FAM120A: variants seen among roughly 807,000 people sequenced by gnomAD.
FAM120A encodes constitutive coactivator of PPAR-gamma-like protein 1.
In FAM120A, 15 loss-of-function variants were observed where a neutral mutation model predicts 109.7. The observed-to-expected ratio is 0.14, with a 90% confidence interval of 0.09 to 0.21. The LOEUF (loss-of-function observed/expected upper bound fraction) is 0.21, where lower values mean the gene tolerates loss of function less well. Ranked by LOEUF, FAM120A falls within the 10% of genes least tolerant of loss-of-function variation. The pLI is 1.00. For missense variants in FAM120A, 899 were observed against 1,439.3 expected (o/e 0.62, Z 6.07); for synonymous variants, 493 against 572.8 (o/e 0.86, Z 1.99).
At chr9:93,468,609 T>G (rs1432363436) in intron 1 of FAM120A, among the ~76,000 whole-genome samples, 1 of 152,216 alleles carries the variant, frequency 6.6e-6, no homozygotes, top group Non-Finnish European at 1.5e-5. Flanking sequence ...TACCACAAAG[T>G]TTTACATAGT....
intron 12 of FAM120A, among the ~76,000 whole-genome samples, chr9:93,552,921 G>C (rs940233387): frequency 7.9e-5 from 12 of 152,128 alleles, no homozygotes; most frequent in Non-Finnish European, 1.8e-4. Context: ...CATCAGAGGA[G>C]GAAAAGAGGA....
At chr9:93,487,127 G>T (rs1859095046) in intron 3 of FAM120A, among the ~76,000 whole-genome samples, 2 of 151,890 alleles carry the variant, frequency 1.3e-5, no homozygotes, top group Non-Finnish European at 2.9e-5. Flanking sequence ...TTTTAAAATT[G>T]GGTTATTTGT....
At position 93,532,375 on chromosome 9, in the gene FAM120A, A is replaced by C; in HGVS notation, c.1909+46A>C. ...TTGTTTGTTTTCCTCGGTACCTCGT[A>C]ATCTCTTGTGCATTTTCTAAAGCCT... On this transcript the variant is annotated intron_variant, in intron 10 of 17. Coordinates refer to ENST00000277165, the MANE Select transcript of FAM120A (RefSeq NM_014612.5). This position sits in a 1 kb window ranked among gnomAD's most constrained non-coding sequence, Gnocchi z 4.3. 1 of 1,597,058 alleles carries C rather than the reference A, an allele frequency of 6.3e-7. No homozygotes were observed. The highest frequency in any genetic ancestry group is 1.1e-5 in the South Asian group (1 of 90,440).
At chr9:93,541,066 T>C (rs1266784263) in intron 10 of FAM120A, among the ~76,000 whole-genome samples, 10 of 65,044 alleles carry the variant, frequency 1.5e-4, no homozygotes. Flanking sequence ...TGTATTGTGG[T>C]ATGTGTGTGG....
chr9:93,552,050 A>G (rs1294683316), intron 12 of FAM120A, among the ~76,000 whole-genome samples: 1 of 152,132 alleles, frequency 6.6e-6, no homozygotes, highest in Non-Finnish European at 1.5e-5. Flanking sequence ...GGTTGGAGAT[A>G]CTTTTGCTAG....
Position 93,498,796 on chromosome 9 carries a change from A to G in FAM120A, c.940A>G (p.Thr314Ala). 6.2e-7 allele frequency: 1 copy of G among 1,605,224 alleles called. No homozygotes were observed. Among genetic ancestry groups the G allele is most frequent in the Non-Finnish European group, 8.5e-7 (1 of 1,171,958 alleles). The change falls in exon 5 of 18, where the codon ACA becomes GCA. Residue 314 changes from threonine (T) to alanine (A), a missense_variant. By Grantham distance (58) the Thr-to-Ala change is moderately conservative. Transcript: ENST00000277165. The surrounding 1 kb of genome is among the most constrained non-coding windows in gnomAD (Gnocchi z 4.4). ...TTTCCTGCCTTTATTTCAGTCTAGAACAGATGACAAAGTTATTCGATTTAA... is the reference window on the plus strand; with the variant it reads ...TTTCCTGCCTTTATTTCAGTCTAGAGCAGATGACAAAGTTATTCGATTTAA... ...KDVFQHSQSRTDDKVIRFKRA... is the reference protein window; with the variant it reads ...KDVFQHSQSRADDKVIRFKRA...
intron 17 of FAM120A, 80 bp from the exon 18 acceptor site, chr9:93,564,149 T>A: frequency 1.4e-6 from 2 of 1,414,518 alleles, no homozygotes; most frequent in Non-Finnish European, 1.9e-6. Flanking sequence ...GCAGAGAGTG[T>A]CATTAGGCCA....
chr9:93,522,046 C>CTCCA (rs1860869014), intron 7 of FAM120A, among the ~76,000 whole-genome samples: 1 of 152,074 alleles, frequency 6.6e-6, no homozygotes, highest in African/African-American at 2.4e-5. Context: ...TGCCACTGTA[C>CTCCA]TCCAGCCTGG....
intron 11 of FAM120A, among the ~76,000 whole-genome samples, 197 bp downstream of exon 11, chr9:93,543,668 T>C (rs973303977): frequency 3.3e-5 from 5 of 152,258 alleles, no homozygotes; most frequent in African/African-American, 1.2e-4. Flanking sequence ...ATTTATATGA[T>C]ACAGTATGTT....
intron 14 of FAM120A, 45 bp downstream of exon 14, chr9:93,558,055 TC>T: frequency 6.6e-7 from 1 of 1,508,408 alleles, no homozygotes. Context: ...GATGCCAGAT[TC>T]CTGTAAAGAA....
In FAM120A at chr9:93,473,003, G is replaced by A. The variant is rs192723022; in HGVS notation, c.721+1616G>A. 9.7e-4 allele frequency among the ~76,000 whole-genome samples: 147 copies of A among 151,466 alleles called. 1 individual carries two copies. The highest frequency in any genetic ancestry group is 7.5e-4 in the Non-Finnish European group (51 of 67,918). Reference sequence around the variant, plus strand: ...AGGCTATGCTTTTCAAGTTTTCATCGTTAAGATATCTTTGGACAATTTTTT... The same window carrying A: ...AGGCTATGCTTTTCAAGTTTTCATCATTAAGATATCTTTGGACAATTTTTT... On this transcript the variant is annotated intron_variant, in intron 2 of 17. Transcript: ENST00000277165.
rs1862571630 is a variant in FAM120A at position 93,564,353 on chromosome 9, A to G, written c.3170A>G (p.Glu1057Gly). The change falls in exon 18 of 18, where the codon GAG (glutamate) becomes GGG (glycine). Residue 1057 changes from glutamate to glycine, a missense_variant. Physicochemically the swap from Glu to Gly is moderately conservative, Grantham distance 98. Coordinates refer to ENST00000277165, the MANE Select transcript of FAM120A (RefSeq NM_014612.5). Reference protein sequence around the residue: ...GSLAENGVMAEEKPAPQMNGS... With the variant: ...GSLAENGVMAGEKPAPQMNGS... ...CTGGCTGAAAACGGAGTGATGGCCG[A>G]GGAGAAGCCGGCTCCCCAGATGAAC... is the stretch of plus-strand genomic sequence containing the variant. 6.2e-7 allele frequency: 1 copy of G among 1,614,066 alleles called. No homozygotes were observed. The highest frequency in any genetic ancestry group is 1.3e-5 in the African/African-American group (1 of 74,938).
chr9:93,541,775 C>G (rs1016268737), intron 10 of FAM120A, among the ~76,000 whole-genome samples: 1 of 152,194 alleles, frequency 6.6e-6, no homozygotes, highest in Non-Finnish European at 1.5e-5. Flanking sequence ...GGAGTTGGCT[C>G]CAGAAGGGCT....
chr9:93,554,178 C>CACACACACA (rs1862209679), intron 12 of FAM120A, among the ~76,000 whole-genome samples: 1 of 149,850 alleles, frequency 6.7e-6, no homozygotes, highest in African/African-American at 2.5e-5. Flanking sequence ...CACACACACA[C>CACACACACA]ACTAGCCTTG....
rs370422795 is a variant in FAM120A, at chr9:93,558,672, A to G, written c.2760A>G (p.Gly920=). ...TGGCGGCAGCATCGGGACACTGCGG[A>G]GCCTTCTCAGGCAGTGACAGCAGCA... ...FRVAAASGHC[G]AFSGSDSSRT... Residue 920 remains glycine (G), a synonymous_variant, in exon 15 of 18, where the codon GGA becomes GGG. Coordinates refer to ENST00000277165, the MANE Select transcript of FAM120A (RefSeq NM_014612.5). 22 of 1,614,014 alleles carry G rather than the reference A, an allele frequency of 1.4e-5. No individual in the cohort carries two copies. The highest frequency in any genetic ancestry group is 1.8e-5 in the Non-Finnish European group (21 of 1,180,022).
intron 1 of FAM120A, among the ~76,000 whole-genome samples, chr9:93,453,896 A>G (rs1174483894): frequency 2.0e-5 from 3 of 152,234 alleles, no homozygotes; most frequent in Non-Finnish European, 2.9e-5. Context: ...GATGAGCTGC[A>G]CTGACTTGCC....
At position 93,500,809 on chromosome 9, in the gene FAM120A, A is replaced by G. The variant is rs1012245007; in HGVS notation, c.1030+1923A>G. Among the ~76,000 whole-genome samples the G allele has an allele frequency of 1.2e-4, 18 of 152,114 alleles. No individual in the cohort carries two copies. Among genetic ancestry groups the G allele is most frequent in the Admixed American group, 2.6e-4 (4 of 15,278 alleles). ...ACCCTGCACACAGAAGATGTCTAATAATTGCTTGTGGGAATGATGGGGAGC... is the reference window on the plus strand; with the variant it reads ...ACCCTGCACACAGAAGATGTCTAATGATTGCTTGTGGGAATGATGGGGAGC... On this transcript the variant is annotated intron_variant, in intron 5 of 17. Transcript: ENST00000277165. This position sits in a 1 kb window ranked among gnomAD's most constrained non-coding sequence, Gnocchi z 4.6.
chr9:93,541,329 G>A (rs2131511112), intron 10 of FAM120A, among the ~76,000 whole-genome samples: 1 of 152,234 alleles, frequency 6.6e-6, no homozygotes, highest in East Asian at 1.9e-4. Flanking sequence ...AGGAAGGCCT[G>A]TGCATGGTAG....
At position 93,498,986 on chromosome 9, in the gene FAM120A, T is replaced by C. The variant is rs1288201710; in HGVS notation, c.1030+100T>C. 2.3e-6 allele frequency: 2 copies of C among 853,720 alleles called. No homozygotes were observed. The highest frequency in any genetic ancestry group is 2.4e-5 in the East Asian group (1 of 41,080). 52.9% of individuals were successfully genotyped at this position (853,720 alleles called of 1,614,324 possible). On this transcript the variant is annotated intron_variant, in intron 5 of 17. Coordinates refer to ENST00000277165, the MANE Select transcript of FAM120A (RefSeq NM_014612.5). The surrounding 1 kb of genome is among the most constrained non-coding windows in gnomAD (Gnocchi z 4.4). ...CTTGTAGGTTTATGTTTTTGAAACA[T>C]GATTTTCTGTAGTTATGCCAGTAAG...
Sources: gnomAD v4.1 joint callset for allele counts (sites outside exome capture counted in the v4.1 genomes callset) on GRCh38, gnomAD v4.1.1 for gene constraint, Gnocchi (gnomAD v3.1) non-coding constraint, MANE v1.5 for transcripts, NCBI Gene and HGNC (gene_info 2026-07-23, HGNC 2026-07-21) for gene names.